The following FBLN1 variants were observed in gnomAD, a reference collection of about 807,000 sequenced individuals.
FBLN1 encodes the protein fibulin 1.
In FBLN1, 34 loss-of-function variants were observed where a neutral mutation model predicts 89.7. That is an observed-to-expected ratio of 0.38 (90% CI 0.29 to 0.50). FBLN1 has a LOEUF of 0.50. FBLN1 is among the 20% of genes least tolerant of loss of function. FBLN1 has a pLI of 0.92. For synonymous variants in FBLN1, 393 were observed against 391.3 expected (o/e 1.00, Z -0.05); for missense variants, 777 against 988.1 (o/e 0.79, Z 2.86).
chr22:45,543,098 C>T (rs1430395226), intron 10 of FBLN1, among the ~76,000 whole-genome samples: 2 of 152,266 alleles, frequency 1.3e-5, no homozygotes, highest in South Asian at 2.1e-4. Flanking sequence ...GAAACCTCAT[C>T]TCTACAAAAA....
rs568492277 is a variant in FBLN1 at position 45,576,038 on chromosome 22, G to T, written c.1841-939G>T. On this transcript the variant is annotated intron_variant, in intron 15 of 16. Transcript: ENST00000327858. The surrounding 1 kb of genome is among the most constrained non-coding windows in gnomAD (Gnocchi z 5.2). ...TGTTTACACCATGACACAACCATGC[G>T]GGGGGGTGGGGGGAGGAGAGGCTCC... 6.9e-6 allele frequency among the ~76,000 whole-genome samples: 1 copy of T among 145,000 alleles called. No homozygotes were observed. The highest frequency in any genetic ancestry group is 2.9e-5 in the African/African-American group (1 of 34,868).
At chr22:45,514,420 A>G (rs917141459) in intron 1 of FBLN1, among the ~76,000 whole-genome samples, 4 of 152,188 alleles carry the variant, frequency 2.6e-5, no homozygotes, top group Admixed American at 6.5e-5. Context: ...TGAGTCCACT[A>G]GGAAGATCGA....
intron 2 of FBLN1, among the ~76,000 whole-genome samples, chr22:45,522,911 G>A (rs979513647): frequency 6.6e-5 from 10 of 152,188 alleles, no homozygotes; most frequent in Admixed American, 6.5e-5. Context: ...TGGTGAGTGG[G>A]GATCAATCGG....
rs538163309 is a variant in FBLN1 at position 45,581,451 on chromosome 22, C to T, written c.1972+4343C>T. The stretch of plus-strand genomic sequence containing the variant: ...GGAGGGCCTGGCCTGCAAAAACGCC[C>T]TCCCTATTTCTCCAGGGAGGGAAAT... On this transcript the variant is annotated intron_variant, in intron 16 of 16. Coordinates refer to ENST00000327858, the MANE Select transcript of FBLN1 (RefSeq NM_006486.3). This position sits in a 1 kb window ranked among gnomAD's most constrained non-coding sequence, Gnocchi z 7.6. Among the ~76,000 whole-genome samples the T allele has an allele frequency of 7.9e-5, 12 of 152,220 alleles. No individual in the cohort carries two copies. Among genetic ancestry groups the T allele is most frequent in the African/African-American group, 2.9e-4 (12 of 41,546 alleles).
chr22:45,591,651 G>T (rs1187215072), intron 16 of FBLN1, among the ~76,000 whole-genome samples: 1 of 152,098 alleles, frequency 6.6e-6, no homozygotes, highest in Non-Finnish European at 1.5e-5. Context: ...GCCAAGCAGA[G>T]AAGACCAGGT....
intron 14 of FBLN1, among the ~76,000 whole-genome samples, chr22:45,573,117 T>C (rs2088964047): frequency 6.6e-6 from 1 of 151,892 alleles, no homozygotes; most frequent in Non-Finnish European, 1.5e-5. Context: ...TCCCAGCTAC[T>C]TGGGAGGCTG....
Position 45,597,669 on chromosome 22 carries a change from G to A in FBLN1, c.1973-2638G>A, listed in dbSNP as rs12159043. Among the ~76,000 whole-genome samples, 1 of 151,974 alleles carries A rather than the reference G, an allele frequency of 6.6e-6. No homozygotes were observed. Among genetic ancestry groups the A allele is most frequent in the Non-Finnish European group, 1.5e-5 (1 of 67,992 alleles). Reference sequence around the variant, plus strand: ...TGGCGAGCCCAGGGTGGTGACAGGCGCACGTCTTTTGCCGGGAGCTGAAGA... The same window carrying A: ...TGGCGAGCCCAGGGTGGTGACAGGCACACGTCTTTTGCCGGGAGCTGAAGA... On this transcript the variant is annotated intron_variant, in intron 16 of 16. Transcript: ENST00000327858. The surrounding 1 kb of genome is among the most constrained non-coding windows in gnomAD (Gnocchi z 4.2).
Position 45,577,531 on chromosome 22 carries a change from G to T in FBLN1, c.1972+423G>T, listed in dbSNP as rs1179667497. 6.6e-6 allele frequency among the ~76,000 whole-genome samples: 1 copy of T among 152,250 alleles called. No homozygotes were observed. The highest frequency in any genetic ancestry group is 1.5e-5 in the Non-Finnish European group (1 of 68,046). On this transcript the variant is annotated intron_variant, in intron 16 of 16. Transcript: ENST00000327858. This position sits in a 1 kb window ranked among gnomAD's most constrained non-coding sequence, Gnocchi z 6.6. The stretch of plus-strand genomic sequence containing the variant: ...GGGGTGCAATGGGAGGGATAGCAAA[G>T]TAGGAATCAGAGGGCCTGAGCTCTG...
rs527306877 is a variant in FBLN1 at position 45,583,319 on chromosome 22, C to CTGGCCAAGCAGCCA, written c.1972+6223_1972+6224insCATGGCCAAGCAGC. On this transcript the variant is annotated intron_variant, in intron 16 of 16. Transcript: ENST00000327858. The surrounding 1 kb of genome is among the most constrained non-coding windows in gnomAD (Gnocchi z 4.5). ...TCCTCAGCTCCTGGCCGGGGCAAGT[C>CTGGCCAAGCAGCCA]TGGCCAAGCAGCATGGCAGCGATGA... 6.0e-3 allele frequency among the ~76,000 whole-genome samples: 915 copies of CTGGCCAAGCAGCCA among 152,278 alleles called. 4 individuals carry two copies. The highest frequency in any genetic ancestry group is 0.01 in the Non-Finnish European group (708 of 68,016).
At chr22:45,555,266 A>AT (rs1333564177) in intron 14 of FBLN1, among the ~76,000 whole-genome samples, 3 of 31,140 alleles carry the variant, frequency 9.6e-5, no homozygotes, top group African/African-American at 2.6e-4. Context: ...TATATATATA[A>AT]AATGGAATAT....
chr22:45,530,082 G>C lies in FBLN1; in HGVS notation c.485-1183G>C, dbSNP rs967554358. Among the ~76,000 whole-genome samples, 2 of 109,740 alleles carry C rather than the reference G, an allele frequency of 1.8e-5. No individual in the cohort carries two copies. The highest frequency in any genetic ancestry group is 9.5e-5 in the African/African-American group (2 of 21,150). The allele number at this position is 109,740 out of a possible 152,430, so 72.0% of individuals were successfully genotyped here. ...ACCCGGGACTCATCTTTCACTTATT[G>C]TTCTTAGTTTTTCAAGTCCAGGGCC... On this transcript the variant is annotated intron_variant, in intron 4 of 16. Transcript: ENST00000327858. The surrounding 1 kb of genome is among the most constrained non-coding windows in gnomAD (Gnocchi z 5.4).
chr22:45,585,085 G>A (rs1365598785), intron 16 of FBLN1, among the ~76,000 whole-genome samples: 1 of 152,218 alleles, frequency 6.6e-6, no homozygotes, highest in Non-Finnish European at 1.5e-5. Context: ...GTGGTTTAGG[G>A]GTTGGTGTCA....
At position 45,545,723 on chromosome 22, in the gene FBLN1, C is replaced by T. The variant is rs565344162; in HGVS notation, c.1322-1362C>T. On this transcript the variant is annotated intron_variant, in intron 11 of 16. Transcript: ENST00000327858. The surrounding 1 kb of genome is among the most constrained non-coding windows in gnomAD (Gnocchi z 5.9). ...GTGTGGGGGCCACAGAGATGAAACACGGGGTGGAAGGCTATTGGACGTTCT... is the reference window on the plus strand; with the variant it reads ...GTGTGGGGGCCACAGAGATGAAACATGGGGTGGAAGGCTATTGGACGTTCT... Among the ~76,000 whole-genome samples, 2 of 152,208 alleles carry T rather than the reference C, an allele frequency of 1.3e-5. No individual in the cohort carries two copies. The highest frequency in any genetic ancestry group is 4.8e-5 in the African/African-American group (2 of 41,542).
Position 45,550,533 on chromosome 22 carries a change from A to C in FBLN1, c.1615A>C (p.Asn539His). The change falls in exon 14 of 17, where the codon AAC (asparagine) becomes CAC (histidine). Residue 539 changes from asparagine to histidine, a missense_variant. Coordinates refer to ENST00000327858, the MANE Select transcript of FBLN1 (RefSeq NM_006486.3). This position sits in a 1 kb window ranked among gnomAD's most constrained non-coding sequence, Gnocchi z 8.4. ...GACTGGCATCCACAACTGCTCCATC[A>C]ACGAGACCTGCTTCAACATCCAGGG... ...CVTGIHNCSI[N>H]ETCFNIQGGF... 1 of 1,614,120 alleles carries C rather than the reference A, an allele frequency of 6.2e-7. No individual in the cohort carries two copies. Among genetic ancestry groups the C allele is most frequent in the Non-Finnish European group, 8.5e-7 (1 of 1,180,034 alleles).
chr22:45,567,199 G>A (rs2088907543), intron 14 of FBLN1, among the ~76,000 whole-genome samples: 1 of 152,230 alleles, frequency 6.6e-6, no homozygotes, highest in South Asian at 2.1e-4. Context: ...TGAGACTGTT[G>A]CTCCAGCCCC....
intron 14 of FBLN1, chr22:45,565,025 C>A: frequency 1.2e-6 from 2 of 1,612,288 alleles, no homozygotes; most frequent in South Asian, 1.1e-5. Flanking sequence ...ACAGTCAGCT[C>A]CACACCTTGC....
At chr22:45,555,998 T>G (rs2088783530) in intron 14 of FBLN1, among the ~76,000 whole-genome samples, 1 of 152,200 alleles carries the variant, frequency 6.6e-6, no homozygotes, top group African/African-American at 2.4e-5. Flanking sequence ...GATTGTTTTT[T>G]GTTTGTGTGT....
At chr22:45,538,291 TGTTTTAAAAGATCTCTA>T (rs1194867106) in intron 8 of FBLN1, among the ~76,000 whole-genome samples, 1 of 152,260 alleles carries the variant, frequency 6.6e-6, no homozygotes, top group South Asian at 2.1e-4. Context: ...CAGGAATCAT[TGTTTTAAAAGATCTCTA>T]TTTATTTCAA....
At chr22:45,569,472 C>G (rs1469613559) in intron 14 of FBLN1, among the ~76,000 whole-genome samples, 1 of 152,098 alleles carries the variant, frequency 6.6e-6, no homozygotes, top group African/African-American at 2.4e-5. Context: ...AACCACACCT[C>G]TACTAAGAAT....
Sources: gnomAD v4.1 joint callset for allele counts (sites outside exome capture counted in the v4.1 genomes callset) on GRCh38, gnomAD v4.1.1 for gene constraint, Gnocchi (gnomAD v3.1) non-coding constraint, MANE v1.5 for transcripts, NCBI Gene and HGNC (gene_info 2026-07-23, HGNC 2026-07-21) for gene names.